The following CAMTA1 variants were observed in gnomAD, a reference collection of about 807,000 sequenced individuals.
The protein encoded by CAMTA1 is calmodulin binding transcription activator 1, also known as calmodulin-binding transcription activator 1.
A neutral mutation model predicts 170.9 loss-of-function variants in CAMTA1; 27 were observed. That is an observed-to-expected ratio of 0.16 (90% confidence interval 0.12 to 0.22). CAMTA1 has a LOEUF of 0.22. Ranked by LOEUF, CAMTA1 falls within the 10% of genes least tolerant of loss-of-function variation. The pLI, the probability that CAMTA1 is intolerant of heterozygous loss-of-function variation, is 1.00. For missense variants in CAMTA1, 1,619 were observed against 2,217.2 expected, an observed-to-expected ratio of 0.73 and a Z score of 5.42; for synonymous variants, 833 against 891.5, an observed-to-expected ratio of 0.93 and a Z score of 1.17.
chr1:7,255,828 C>T (rs1667288198), intron 5 of CAMTA1, among the ~76,000 whole-genome samples: 2 of 152,206 alleles, frequency 1.3e-5, no homozygotes, highest in Non-Finnish European at 2.9e-5. Flanking sequence ...CACCCCAACC[C>T]TGTGATTCAG....
intron 6 of CAMTA1, among the ~76,000 whole-genome samples, chr1:7,510,343 T>C (rs1193174): frequency 0.7 from 101,257 of 143,926 alleles, 39,642 homozygotes; most frequent in African/African-American, 0.76. Context: ...GTTCAGCGAT[T>C]CCCAGGCTGG....
rs2094525118 is a variant in CAMTA1 at position 7,534,325 on chromosome 1, C to G, written c.510+66424C>G. 6.6e-6 allele frequency among the ~76,000 whole-genome samples: 1 copy of G among 152,228 alleles called. No individual in the cohort carries two copies. Among genetic ancestry groups the G allele is most frequent in the South Asian group, 2.1e-4 (1 of 4,830 alleles). ...ATTTTTAGTTTGCGTCAACATCCCC[C>G]TCCAAGCATCCATTCTAGAAAGGGA... is the stretch of plus-strand genomic sequence containing the variant. On this transcript the variant is annotated intron_variant, in intron 6 of 22. Coordinates refer to ENST00000303635, the MANE Select transcript of CAMTA1 (RefSeq NM_015215.4). The surrounding 1 kb of genome is among the most constrained non-coding windows in gnomAD (Gnocchi z 5.6).
chr1:6,878,459 A>G (rs1292655726), intron 3 of CAMTA1, among the ~76,000 whole-genome samples: 6 of 152,222 alleles, frequency 3.9e-5, no homozygotes, highest in Non-Finnish European at 7.3e-5. Flanking sequence ...GAGGGCTATC[A>G]TTCTGATTTT....
chr1:6,856,787 T>G (rs1330713043), intron 3 of CAMTA1, among the ~76,000 whole-genome samples: 2 of 152,082 alleles, frequency 1.3e-5, no homozygotes, highest in Non-Finnish European at 2.9e-5. Flanking sequence ...ATTTTTATGA[T>G]GAAAGTGATG....
At chr1:7,702,919 G>A (rs943968940) in intron 11 of CAMTA1, among the ~76,000 whole-genome samples, 1 of 152,132 alleles carries the variant, frequency 6.6e-6, no homozygotes, top group Non-Finnish European at 1.5e-5. Flanking sequence ...ATCAGTGCCA[G>A]GCACTGGTAC....
intron 6 of CAMTA1, among the ~76,000 whole-genome samples, chr1:7,504,634 T>C (rs1278647299): frequency 6.6e-6 from 1 of 152,264 alleles, no homozygotes; most frequent in Non-Finnish European, 1.5e-5. Flanking sequence ...AGGTTGGGGA[T>C]GCACCAAAGA....
chr1:7,431,668 A>C (rs61229957), intron 5 of CAMTA1, among the ~76,000 whole-genome samples: 43,933 of 151,890 alleles, frequency 0.29, 7,993 homozygotes, highest in Admixed American at 0.39. Context: ...GCGCCGCTCA[A>C]GCATACCCCA....
chr1:7,419,940 C>T (rs6677657), intron 5 of CAMTA1, among the ~76,000 whole-genome samples: 23,953 of 152,090 alleles, frequency 0.16, 2,669 homozygotes, highest in East Asian at 0.48. Flanking sequence ...ACCACTCCAC[C>T]ATCCCGCCCT....
chr1:6,897,467 T>C (rs1557783571), intron 3 of CAMTA1, among the ~76,000 whole-genome samples: 1 of 151,068 alleles, frequency 6.6e-6, no homozygotes, highest in Non-Finnish European at 1.5e-5. Context: ...GGAAGCCATT[T>C]TTCTCATATA....
At chr1:7,556,130 C>T (rs2094873821) in intron 6 of CAMTA1, among the ~76,000 whole-genome samples, 1 of 152,172 alleles carries the variant, frequency 6.6e-6, no homozygotes, top group African/African-American at 2.4e-5. Context: ...ACGGGGTGAG[C>T]AGGCTTTGGA....
At chr1:6,899,122 C>T (rs1386959072) in intron 3 of CAMTA1, among the ~76,000 whole-genome samples, 6 of 152,050 alleles carry the variant, frequency 3.9e-5, no homozygotes, top group African/African-American at 7.2e-5. Context: ...GGAAGCGTGC[C>T]CAGTCTGTTT....
chr1:6,785,642 A>C, intron 1 of CAMTA1, 67 bp downstream of exon 1: 1 of 855,994 alleles, frequency 1.2e-6, no homozygotes, highest in Non-Finnish European at 1.4e-6. Flanking sequence ...CCCGCCGGAC[A>C]TCCCGGGCAT....
Position 7,562,963 on chromosome 1 carries a change from T to C in CAMTA1, c.511-77437T>C, listed in dbSNP as rs2094979724. On this transcript the variant is annotated intron_variant, in intron 6 of 22. Transcript: ENST00000303635. The surrounding 1 kb of genome is among the most constrained non-coding windows in gnomAD (Gnocchi z 4.8). ...AGCTGGTCCTTGAATCTGGATTTGG[T>C]TGGGGGCTGTGAGGCCCATCACAGA... Among the ~76,000 whole-genome samples the C allele has an allele frequency of 6.6e-6, 1 of 152,166 alleles. No homozygotes were observed. Among genetic ancestry groups the C allele is most frequent in the South Asian group, 2.1e-4 (1 of 4,826 alleles).
intron 5 of CAMTA1, among the ~76,000 whole-genome samples, chr1:7,279,372 G>A (rs958889216): frequency 1.3e-5 from 2 of 152,100 alleles, no homozygotes; most frequent in African/African-American, 4.8e-5. Context: ...TTTCTTTTCT[G>A]GTGAGTTTCT....
intron 5 of CAMTA1, among the ~76,000 whole-genome samples, chr1:7,372,247 C>G (rs972450548): frequency 3.3e-5 from 5 of 152,160 alleles, no homozygotes; most frequent in Non-Finnish European, 7.4e-5. Flanking sequence ...TGCTCTCCTT[C>G]GTGCAATATG....
rs58953861 is a variant in CAMTA1, at chr1:7,031,001, A to ATT, written c.235-60278_235-60277dup. On this transcript the variant is annotated intron_variant, in intron 3 of 22. Coordinates refer to ENST00000303635, the MANE Select transcript of CAMTA1 (RefSeq NM_015215.4). The stretch of plus-strand genomic sequence containing the variant: ...AGGCGCTCGCCACCATGCCCAGCTA[A>ATT]TTTTTTTTTTTTTTTTTTTTTTTTT... Among the ~76,000 whole-genome samples, 292 of 100,018 alleles carry ATT rather than the reference A, an allele frequency of 2.9e-3. 4 individuals carry two copies. Among genetic ancestry groups the ATT allele is most frequent in the African/African-American group, 9.9e-3 (234 of 23,578 alleles). 65.6% of individuals were successfully genotyped at this position (100,018 alleles called of 152,430 possible).
At chr1:7,376,466 AATT>A in intron 5 of CAMTA1, among the ~76,000 whole-genome samples, 1 of 152,292 alleles carries the variant, frequency 6.6e-6, no homozygotes, top group East Asian at 1.9e-4. Flanking sequence ...ACCCTGGCCC[AATT>A]CCCTGGAGCA....
chr1:6,836,972 C>A (rs1653459245), intron 3 of CAMTA1, among the ~76,000 whole-genome samples: 1 of 147,582 alleles, frequency 6.8e-6, no homozygotes, highest in South Asian at 2.1e-4. Context: ...GATGGAGTCT[C>A]TGTTGCATAG....
At chr1:6,941,386 C>T (rs1213603398) in intron 3 of CAMTA1, among the ~76,000 whole-genome samples, 2 of 152,160 alleles carry the variant, frequency 1.3e-5, no homozygotes, top group African/African-American at 2.4e-5. Context: ...TTTCCGAATC[C>T]GAGTCCCTCA....
Sources: allele counts gnomAD v4.1 joint callset (sites outside exome capture counted in the v4.1 genomes callset), GRCh38; gene constraint gnomAD v4.1.1; non-coding constraint Gnocchi (gnomAD v3.1); transcripts MANE v1.5; gene names NCBI Gene and HGNC (gene_info 2026-07-23, HGNC 2026-07-21).